Variants in NUP62CL observed in about 807,000 individuals in gnomAD.
The protein encoded by NUP62CL is nucleoporin-62 C-terminal-like protein.
Under a neutral mutation model 15.3 loss-of-function variants are expected in NUP62CL, and 13 were observed. The observed-to-expected ratio is 0.85, with a 90% CI of 0.55 to 1.35. The LOEUF is 1.35. Among genes scored for constraint, NUP62CL ranks in the 40% most tolerant of loss-of-function variants. NUP62CL has a pLI of 0.00. For synonymous variants in NUP62CL, 54 were observed against 49.2 expected (o/e 1.10, Z -0.41); for missense variants, 123 against 130.6 (o/e 0.94, Z 0.28).
At chrX:107,149,936 A>C (rs1351304851) in intron 7 of NUP62CL, among the ~76,000 whole-genome samples, 3 of 111,556 alleles carry the variant, frequency 2.7e-5, no homozygotes, top group South Asian at 3.7e-4. Context: ...GAAAAAAAAA[A>C]CAATTCTTTC....
chrX:107,150,878 C>G (rs1422020788), intron 7 of NUP62CL: 9 of 342,576 alleles, frequency 2.6e-5, no homozygotes, highest in Non-Finnish European at 4.7e-5. Flanking sequence ...GTCAGAAGAA[C>G]TTTCAAATGT....
intron 3 of NUP62CL, among the ~76,000 whole-genome samples, chrX:107,174,080 T>A (rs1282072199): frequency 1.4e-5 from 1 of 69,569 alleles, no homozygotes; most frequent in Non-Finnish European, 2.7e-5. Flanking sequence ...TCTCTCTCTC[T>A]CCCTCCCTCC....
intron 4 of NUP62CL, among the ~76,000 whole-genome samples, chrX:107,155,399 G>A (rs1365972660): frequency 5.3e-5 from 6 of 112,660 alleles, no homozygotes; most frequent in Non-Finnish European, 1.9e-5. Context: ...GTGTGAGTCA[G>A]TCCTCCACTT....
chrX:107,179,668 T>C (rs1385387480), intron 2 of NUP62CL, among the ~76,000 whole-genome samples: 1 of 112,174 alleles, frequency 8.9e-6, no homozygotes, highest in Non-Finnish European at 1.9e-5. Flanking sequence ...TTGTGAACAG[T>C]GCTGCAATAA....
At chrX:107,145,958 A>C (rs894870351) in intron 8 of NUP62CL, among the ~76,000 whole-genome samples, 1 of 111,789 alleles carries the variant, frequency 8.9e-6, no homozygotes, top group African/African-American at 3.2e-5. Flanking sequence ...AGAATACTAC[A>C]TCATCTTTCA....
intron 8 of NUP62CL, among the ~76,000 whole-genome samples, chrX:107,146,321 G>A (rs745867463): frequency 1.8e-5 from 2 of 111,837 alleles, no homozygotes; most frequent in African/African-American, 3.2e-5. Context: ...TGCTGGGGTT[G>A]CAAAATGGCT....
At chrX:107,159,697 A>G (rs1926307143) in intron 4 of NUP62CL, among the ~76,000 whole-genome samples, 1 of 68,408 alleles carries the variant, frequency 1.5e-5, no homozygotes, top group Admixed American at 1.8e-4. Flanking sequence ...AAAAACTGGA[A>G]GCATTCCCTT....
At chrX:107,177,368 A>C (rs1926811113) in intron 2 of NUP62CL, among the ~76,000 whole-genome samples, 1 of 111,728 alleles carries the variant, frequency 9.0e-6, no homozygotes, top group African/African-American at 3.2e-5. Context: ...TGATAGACAG[A>C]AAACCAGTCC....
In NUP62CL at chrX:107,167,890, T is replaced by C. The variant is rs183114728; in HGVS notation, c.59-106A>G. ...TGGAGGCATTTTTAAAAATACAAAT[T>C]TGAACTCAAAGATGCAGATTTGAAT... is the stretch of plus-strand genomic sequence containing the variant. On this transcript the variant is annotated intron_variant, in intron 3 of 8. Coordinates refer to ENST00000372466, the MANE Select transcript of NUP62CL (RefSeq NM_017681.3). 7,128 of 757,441 alleles carry C rather than the reference T, an allele frequency of 9.4e-3. 40 individuals are homozygous for C. The highest frequency in any genetic ancestry group is 0.01 in the Non-Finnish European group (5,515 of 540,163). The allele number at this position is 757,441 out of a possible 1,213,427, so 62.4% of individuals were successfully genotyped here.
intron 2 of NUP62CL, among the ~76,000 whole-genome samples, chrX:107,184,167 T>G (rs780718593): frequency 6.3e-5 from 7 of 110,246 alleles, no homozygotes; most frequent in African/African-American, 1.3e-4. Flanking sequence ...TAACATAGTA[T>G]GAGAATATCT....
rs138258391 is a variant in NUP62CL, at chrX:107,186,689, G to A, written c.-48+6340C>T. 5.9e-3 allele frequency among the ~76,000 whole-genome samples: 657 copies of A among 111,610 alleles called. 5 individuals are homozygous for A. Among genetic ancestry groups the A allele is most frequent in the African/African-American group, 0.021 (630 of 30,676 alleles). The stretch of plus-strand genomic sequence containing the variant: ...GAGGTGGGCAGATCACTTGAGGTCA[G>A]GAGTTCGAGACCAGTCTGGCCAATA... On this transcript the variant is annotated intron_variant, in intron 2 of 8. Transcript: ENST00000372466.
intron 8 of NUP62CL, among the ~76,000 whole-genome samples, chrX:107,132,601 A>T (rs1367345508): frequency 9.0e-6 from 1 of 111,029 alleles, no homozygotes; most frequent in East Asian, 2.8e-4. Flanking sequence ...TCTACAAAAA[A>T]TTTTTTAGAA....
At chrX:107,170,586 G>A (rs1926624969) in intron 3 of NUP62CL, among the ~76,000 whole-genome samples, 1 of 109,835 alleles carries the variant, frequency 9.1e-6, no homozygotes, top group Non-Finnish European at 1.9e-5. Context: ...CTAATTTTTT[G>A]TATTTTTAGT....
At chrX:107,132,709 C>T (rs1270094993) in intron 8 of NUP62CL, among the ~76,000 whole-genome samples, 3 of 111,970 alleles carry the variant, frequency 2.7e-5, no homozygotes, top group Non-Finnish European at 5.6e-5. Context: ...CAGTGAGCTG[C>T]GTTTGCGCCT....
intron 2 of NUP62CL, among the ~76,000 whole-genome samples, chrX:107,182,066 G>A (rs758190945): frequency 3.6e-5 from 4 of 112,003 alleles, no homozygotes; most frequent in South Asian, 3.7e-4. Context: ...AATTTCAGGC[G>A]CCTGACCTTA....
At chrX:107,146,037 G>C (rs994088155) in intron 8 of NUP62CL, among the ~76,000 whole-genome samples, 1 of 111,517 alleles carries the variant, frequency 9.0e-6, no homozygotes, top group Non-Finnish European at 1.9e-5. Flanking sequence ...TTTTTGATAA[G>C]ACTACTACAT....
intron 8 of NUP62CL, among the ~76,000 whole-genome samples, chrX:107,132,588 G>A (rs140660915): frequency 1.5e-3 from 168 of 110,753 alleles, no homozygotes; most frequent in Middle Eastern, 4.7e-3. Flanking sequence ...GGGAGGCCCC[G>A]TCTCTACAAA....
chrX:107,166,021 A>G (rs1490016881), intron 4 of NUP62CL, among the ~76,000 whole-genome samples: 2 of 111,792 alleles, frequency 1.8e-5, no homozygotes, highest in Non-Finnish European at 3.8e-5. Context: ...TATAATTGAC[A>G]CTAAAAGCAC....
intron 4 of NUP62CL, among the ~76,000 whole-genome samples, chrX:107,161,395 A>G (rs1218865942): frequency 8.3e-5 from 8 of 95,991 alleles, no homozygotes; most frequent in Non-Finnish European, 1.5e-4. Flanking sequence ...ATGTCCAACA[A>G]TGATAGACTG....
Sources: allele counts gnomAD v4.1 joint callset (sites outside exome capture counted in the v4.1 genomes callset), GRCh38; gene constraint gnomAD v4.1.1; transcripts MANE v1.5; gene names NCBI Gene and HGNC (gene_info 2026-07-23, HGNC 2026-07-21).